The following MYO16 variants were observed in gnomAD, a reference collection of about 807,000 sequenced individuals.
The protein encoded by MYO16 is unconventional myosin-XVI.
A neutral mutation model predicts 205.3 loss-of-function variants in MYO16; 94 were observed. The observed-to-expected ratio is 0.46, with a 90% CI of 0.39 to 0.54. MYO16 has a LOEUF of 0.54. Among genes scored for constraint, MYO16 ranks in the 20% least tolerant of loss-of-function variants. The pLI, the probability that MYO16 is intolerant of heterozygous loss-of-function variation, is 0.00. For synonymous variants in MYO16, 988 were observed against 954.0 expected, an observed-to-expected ratio of 1.04 and a Z score of -0.66; for missense variants, 2,315 against 2,387.5, an observed-to-expected ratio of 0.97 and a Z score of 0.63.
Position 108,731,799 on chromosome 13 carries a change from G to A in MYO16, c.507+4216G>A, listed in dbSNP as rs995673616. ...CCTGCCCTGAGGGAAATTACAGTTT[G>A]TTTATTCATTCATTCATTTACTAAA... On this transcript the variant is annotated intron_variant, in intron 4 of 34. Coordinates refer to ENST00000457511, the MANE Select transcript of MYO16 (RefSeq NM_001198950.3). Among the ~76,000 whole-genome samples, 6 of 152,228 alleles carry A rather than the reference G, an allele frequency of 3.9e-5. No homozygotes were observed. The South Asian group carries it at 1.0e-3, about 26-fold the overall frequency.
At chr13:108,584,380 T>C in the MYO16 span, among the ~76,000 whole-genome samples, 1 of 152,228 alleles carries the variant, frequency 6.6e-6, no homozygotes, top group Non-Finnish European at 1.5e-5. Flanking sequence ...CACATATCTA[T>C]GGAGTACATG....
chr13:109,017,448 G>A (rs1447708163), intron 22 of MYO16, among the ~76,000 whole-genome samples: 1 of 152,048 alleles, frequency 6.6e-6, no homozygotes, highest in Non-Finnish European at 1.5e-5. Context: ...GTGTCTTGGG[G>A]TTGCTTTTCT....
chr13:108,634,877 T>C (rs1434800911), intron 1 of MYO16, among the ~76,000 whole-genome samples: 1 of 152,190 alleles, frequency 6.6e-6, no homozygotes, highest in Non-Finnish European at 1.5e-5. Context: ...ATCATCTATA[T>C]TTTCCCACAT....
chr13:109,163,306 T>C (rs1421219349), intron 32 of MYO16, among the ~76,000 whole-genome samples: 2 of 152,046 alleles, frequency 1.3e-5, no homozygotes, highest in Non-Finnish European at 2.9e-5. Context: ...CAGGAGTCAA[T>C]ATGGAGAATT....
At chr13:108,655,476 G>T (rs761306427) in intron 1 of MYO16, among the ~76,000 whole-genome samples, 2 of 152,196 alleles carry the variant, frequency 1.3e-5, no homozygotes, top group South Asian at 4.1e-4. Context: ...CGGCAGCGGC[G>T]TGGCCCTCAT....
At chr13:108,977,037 C>A (rs1004756487) in intron 20 of MYO16, among the ~76,000 whole-genome samples, 1 of 152,170 alleles carries the variant, frequency 6.6e-6, no homozygotes, top group Non-Finnish European at 1.5e-5. Context: ...TACATGTAAT[C>A]TTCCACATTT....
intron 12 of MYO16, among the ~76,000 whole-genome samples, chr13:108,874,939 G>A (rs1265549792): frequency 6.6e-6 from 1 of 152,106 alleles, no homozygotes; most frequent in Non-Finnish European, 1.5e-5. Context: ...AGAGATGGAG[G>A]CCAGTGGCTC....
intron 1 of MYO16, among the ~76,000 whole-genome samples, chr13:108,609,109 T>C (rs1177698664): frequency 6.6e-6 from 1 of 152,190 alleles, no homozygotes; most frequent in African/African-American, 2.4e-5. Context: ...CTCCTCTCAC[T>C]GGCCGACAAC....
At chr13:108,535,517 A>T in the MYO16 span, among the ~76,000 whole-genome samples, 1 of 152,256 alleles carries the variant, frequency 6.6e-6, no homozygotes, top group East Asian at 1.9e-4. Context: ...ACACTATTAA[A>T]CACTATTATT....
At chr13:108,876,988 A>G (rs1446095730) in intron 12 of MYO16, among the ~76,000 whole-genome samples, 1 of 152,168 alleles carries the variant, frequency 6.6e-6, no homozygotes, top group African/African-American at 2.4e-5. Flanking sequence ...CTTTTACAAA[A>G]AAGCTGTTGA....
In MYO16 at chr13:109,094,585, T is replaced by C. The variant is rs959865475; in HGVS notation, c.3336-6200T>C. The stretch of plus-strand genomic sequence containing the variant: ...TACATGTACAAAACGTACAGGTTTG[T>C]TACGTAGGTATACACATGCCATGGT... On this transcript the variant is annotated intron_variant, in intron 27 of 34. Coordinates refer to ENST00000457511, the MANE Select transcript of MYO16 (RefSeq NM_001198950.3). 9.8e-5 allele frequency among the ~76,000 whole-genome samples: 15 copies of C among 152,328 alleles called. No homozygotes were observed. In the East Asian group the frequency reaches 2.5e-3, roughly 25 times the overall value.
the MYO16 span, among the ~76,000 whole-genome samples, chr13:108,524,564 A>C: frequency 6.6e-6 from 1 of 152,188 alleles, no homozygotes; most frequent in Non-Finnish European, 1.5e-5. Context: ...ATATTTCTTT[A>C]TAGCAATGTA....
At chr13:108,990,147 TACACACACACAC>T (rs56975148) in intron 20 of MYO16, among the ~76,000 whole-genome samples, 75 of 148,500 alleles carry the variant, frequency 5.1e-4, no homozygotes, top group South Asian at 8.7e-4. Context: ...ACACAGACAA[TACACACACACAC>T]ACACACACAC....
At chr13:108,549,700 G>A in the MYO16 span, among the ~76,000 whole-genome samples, 2 of 152,066 alleles carry the variant, frequency 1.3e-5, no homozygotes, top group African/African-American at 2.4e-5. Context: ...AGTGGGGAGA[G>A]TGGTCCTGGT....
At chr13:109,079,052 G>A (rs1351602592) in intron 27 of MYO16, among the ~76,000 whole-genome samples, 3 of 101,180 alleles carry the variant, frequency 3.0e-5, no homozygotes, top group Non-Finnish European at 7.0e-5. Flanking sequence ...TCTCTGCCCC[G>A]AAACTCTTAA....
the MYO16 span, among the ~76,000 whole-genome samples, chr13:108,562,391 A>G: frequency 6.6e-6 from 1 of 152,196 alleles, no homozygotes; most frequent in African/African-American, 2.4e-5. Flanking sequence ...AGTCCTTTGC[A>G]GAATCCCAGC....
intron 2 of MYO16, among the ~76,000 whole-genome samples, chr13:108,707,622 G>C (rs1273637890): frequency 6.6e-6 from 1 of 152,108 alleles, no homozygotes; most frequent in Non-Finnish European, 1.5e-5. Context: ...GGATCCTGTG[G>C]GACATGTGGT....
intron 12 of MYO16, among the ~76,000 whole-genome samples, chr13:108,873,967 A>T (rs1879201522): frequency 6.6e-6 from 1 of 152,256 alleles, no homozygotes; most frequent in Non-Finnish European, 1.5e-5. Context: ...CAGAAACAAA[A>T]ATGCATCATC....
chr13:108,760,299 A>G (rs1885563443), intron 4 of MYO16, among the ~76,000 whole-genome samples: 1 of 152,098 alleles, frequency 6.6e-6, no homozygotes, highest in South Asian at 2.1e-4. Flanking sequence ...CAGGTATTTT[A>G]TCTCCTTTGT....
Sources: allele counts gnomAD v4.1 joint callset (sites outside exome capture counted in the v4.1 genomes callset), GRCh38; gene constraint gnomAD v4.1.1; transcripts MANE v1.5; gene names NCBI Gene and HGNC (gene_info 2026-07-23, HGNC 2026-07-21).